Variants in SH3KBP1 observed in about 807,000 individuals in gnomAD.
The protein encoded by SH3KBP1 is SH3 domain-containing kinase-binding protein 1.
SH3KBP1 carries 8 observed loss-of-function variants against 50.1 expected under a neutral mutation model. That is an observed-to-expected ratio of 0.16 (90% CI 0.09 to 0.29). The LOEUF is 0.29. Ranked by LOEUF, SH3KBP1 falls within the 10% of genes least tolerant of loss-of-function variation. The pLI is 1.00. For synonymous variants in SH3KBP1, 227 were observed against 218.6 expected (o/e 1.04, Z -0.34); for missense variants, 377 against 535.2 (o/e 0.70, Z 2.92).
intron 2 of SH3KBP1, among the ~76,000 whole-genome samples, chrX:19,779,768 T>G (rs1221613200): frequency 9.5e-6 from 1 of 105,573 alleles, no homozygotes; most frequent in African/African-American, 3.5e-5. Flanking sequence ...CATCATTTTT[T>G]ATGGCTGCAT....
chrX:19,634,556 G>A (rs888868235), intron 7 of SH3KBP1, among the ~76,000 whole-genome samples: 2 of 111,264 alleles, frequency 1.8e-5, no homozygotes, highest in African/African-American at 3.3e-5. Context: ...CCCCAAAACC[G>A]GACACAGAGC....
intron 3 of SH3KBP1, among the ~76,000 whole-genome samples, chrX:19,725,082 TGAA>T (rs974986464): frequency 9.1e-6 from 1 of 110,275 alleles, no homozygotes; most frequent in African/African-American, 3.3e-5. Context: ...AATAAGGGGA[TGAA>T]GAAGAAAGAA....
chrX:19,860,976 TATA>T (rs1569490710), intron 1 of SH3KBP1, among the ~76,000 whole-genome samples: 1 of 112,068 alleles, frequency 8.9e-6, no homozygotes. Context: ...ACTATGATTA[TATA>T]ATATGTTAAC....
At chrX:19,854,937 T>A (rs781719626) in intron 1 of SH3KBP1, among the ~76,000 whole-genome samples, 5 of 112,118 alleles carry the variant, frequency 4.5e-5, no homozygotes, top group Non-Finnish European at 7.5e-5. Context: ...CTTTGTAACA[T>A]CTTTTGAATT....
chrX:19,886,507 C>T (rs539422124), intron 1 of SH3KBP1, among the ~76,000 whole-genome samples: 13 of 111,845 alleles, frequency 1.2e-4, no homozygotes, highest in African/African-American at 4.2e-4. Context: ...TTCCAATGCT[C>T]CGGGGTCTAA....
chrX:19,691,544 C>T (rs888579312), intron 5 of SH3KBP1, among the ~76,000 whole-genome samples: 3 of 107,725 alleles, frequency 2.8e-5, no homozygotes, highest in East Asian at 2.9e-4. Context: ...GAGATGAAAT[C>T]GGCAAAAGCC....
intron 6 of SH3KBP1, among the ~76,000 whole-genome samples, chrX:19,655,162 A>C (rs2062240547): frequency 8.9e-6 from 1 of 112,379 alleles, no homozygotes; most frequent in African/African-American, 3.2e-5. Flanking sequence ...CCTGAGGTCA[A>C]AGCCATATTT....
chrX:19,588,302 G>C, intron 12 of SH3KBP1: 2 of 1,051,285 alleles, frequency 1.9e-6, no homozygotes, highest in Middle Eastern at 7.2e-4. Flanking sequence ...GGACAAAGAG[G>C]GACACGCCAC....
In SH3KBP1 at chrX:19,760,046, CT is replaced by C. The variant is rs1220214075; in HGVS notation, c.163-13606del. 2.5e-4 allele frequency among the ~76,000 whole-genome samples: 16 copies of C among 65,064 alleles called. 1 individual carries two copies. Among genetic ancestry groups the C allele is most frequent in the African/African-American group, 9.7e-4 (16 of 16,414 alleles). 56.5% of individuals were successfully genotyped at this position (65,064 alleles called of 115,157 possible). On this transcript the variant is annotated intron_variant, in intron 2 of 17. Coordinates refer to ENST00000397821, the MANE Select transcript of SH3KBP1 (RefSeq NM_031892.3). ...CTCCTCTCTCTCTCTCTCTCCCTCT[CT>C]CTCTCTCTCTCTCTCTCTCTCTCTC...
At chrX:19,701,394 A>G (rs1471016752) in intron 4 of SH3KBP1, among the ~76,000 whole-genome samples, 1 of 111,475 alleles carries the variant, frequency 9.0e-6, no homozygotes, top group East Asian at 2.8e-4. Context: ...GGCCAGCACT[A>G]TAACTTTGAT....
chrX:19,807,925 G>A (rs1164029855), intron 2 of SH3KBP1, among the ~76,000 whole-genome samples: 1 of 112,573 alleles, frequency 8.9e-6, no homozygotes, highest in Non-Finnish European at 1.9e-5. Context: ...AGGTAAATGA[G>A]CCCTTAGTGT....
intron 5 of SH3KBP1, among the ~76,000 whole-genome samples, chrX:19,692,473 T>C (rs2063310149): frequency 9.1e-6 from 1 of 109,941 alleles, no homozygotes; most frequent in African/African-American, 3.3e-5. Context: ...TATTCATCCA[T>C]TGGTACACAA....
At chrX:19,548,512 T>C (rs2065147928) in intron 14 of SH3KBP1, among the ~76,000 whole-genome samples, 1 of 111,212 alleles carries the variant, frequency 9.0e-6, no homozygotes. Flanking sequence ...GACGTCTGTA[T>C]AACAATAAAA....
At chrX:19,679,289 T>C (rs2062993804) in intron 6 of SH3KBP1, among the ~76,000 whole-genome samples, 1 of 112,421 alleles carries the variant, frequency 8.9e-6, no homozygotes, top group South Asian at 3.7e-4. Context: ...CCCTCACGAC[T>C]GTATCCTCAG....
intron 2 of SH3KBP1, chrX:19,799,665 T>C (rs149276272): frequency 2.5e-6 from 3 of 1,208,765 alleles, no homozygotes; most frequent in African/African-American, 3.5e-5. Context: ...ACTTGGGGCT[T>C]TGGCTGCTGA....
intron 2 of SH3KBP1, among the ~76,000 whole-genome samples, chrX:19,769,044 T>C (rs1486505971): frequency 1.8e-5 from 2 of 108,255 alleles, no homozygotes; most frequent in Non-Finnish European, 3.8e-5. Context: ...TAATAGCATA[T>C]TGAGCAATAT....
chrX:19,750,380 T>G lies in SH3KBP1; in HGVS notation c.163-3939A>C, dbSNP rs997720446. 4.5e-5 allele frequency among the ~76,000 whole-genome samples: 5 copies of G among 111,849 alleles called. No individual in the cohort carries two copies. The Admixed American group carries it at 4.8e-4, about 11-fold the overall frequency. On this transcript the variant is annotated intron_variant, in intron 2 of 17. Coordinates refer to ENST00000397821, the MANE Select transcript of SH3KBP1 (RefSeq NM_031892.3). Reference sequence around the variant, plus strand: ...AACCACTGTTTCCTGGAGTACTGCCTGGATTATAATCATGTCTTCCTGCCT... The same window carrying G: ...AACCACTGTTTCCTGGAGTACTGCCGGGATTATAATCATGTCTTCCTGCCT...
At chrX:19,879,252 A>G (rs2069360782) in intron 1 of SH3KBP1, among the ~76,000 whole-genome samples, 1 of 112,086 alleles carries the variant, frequency 8.9e-6, no homozygotes, top group African/African-American at 3.2e-5. Flanking sequence ...CTCAAAAAAT[A>G]AAAAATAAAA....
rs2064653594 is a variant in SH3KBP1, at chrX:19,534,147, T to C, written c.*2270A>G. The C allele has an allele frequency of 9.1e-6, 1 of 110,262 alleles. No individual in the cohort carries two copies. Among genetic ancestry groups the C allele is most frequent in the Non-Finnish European group, 1.9e-5 (1 of 52,736 alleles). 9.1% of individuals were successfully genotyped at this position (110,262 alleles called of 1,213,427 possible). ...TTTTTCAAAAGTGATACTTCCAAGCTTTTCAACATTCTCGATGGGTCCATT... is the reference window on the plus strand; with the variant it reads ...TTTTTCAAAAGTGATACTTCCAAGCCTTTCAACATTCTCGATGGGTCCATT... On this transcript the variant is annotated 3_prime_UTR_variant, in exon 18 of 18. Coordinates refer to ENST00000397821, the MANE Select transcript of SH3KBP1 (RefSeq NM_031892.3).
Sources: allele counts gnomAD v4.1 joint callset (sites outside exome capture counted in the v4.1 genomes callset), GRCh38; gene constraint gnomAD v4.1.1; transcripts MANE v1.5; gene names NCBI Gene and HGNC (gene_info 2026-07-23, HGNC 2026-07-21).